Variants in CLSTN2 observed in about 807,000 individuals in gnomAD.
CLSTN2 encodes the protein calsyntenin 2.
A neutral mutation model predicts 101.2 loss-of-function variants in CLSTN2; 48 were observed. The ratio of observed to expected loss-of-function variants is 0.47; its 90% CI spans 0.38 to 0.60. CLSTN2 has a LOEUF of 0.60. Among genes scored for constraint, CLSTN2 ranks in the 20% least tolerant of loss-of-function variants. The pLI is 0.00. For synonymous variants in CLSTN2, 481 were observed against 463.6 expected (o/e 1.04, Z -0.48); for missense variants, 1,160 against 1,238.2 (o/e 0.94, Z 0.95).
chr3:139,961,587 G>A (rs1402670207), intron 1 of CLSTN2, among the ~76,000 whole-genome samples: 1 of 152,206 alleles, frequency 6.6e-6, no homozygotes, highest in African/African-American at 2.4e-5. Flanking sequence ...TCACATTATA[G>A]GGTGGCACTT....
intron 1 of CLSTN2, among the ~76,000 whole-genome samples, chr3:140,117,659 C>A (rs1216383868): frequency 1.3e-5 from 2 of 152,140 alleles, no homozygotes; most frequent in African/African-American, 4.8e-5. Context: ...ATTGCAATAA[C>A]CACATAAGTC....
At chr3:140,071,286 G>A (rs1358489638) in intron 1 of CLSTN2, among the ~76,000 whole-genome samples, 2 of 152,002 alleles carry the variant, frequency 1.3e-5, no homozygotes, top group Non-Finnish European at 1.5e-5. Flanking sequence ...TTCTAGATGG[G>A]TACAATAGTC....
chr3:139,982,085 T>C (rs566294027), intron 1 of CLSTN2, among the ~76,000 whole-genome samples: 14 of 152,324 alleles, frequency 9.2e-5, no homozygotes. Flanking sequence ...ATTTATTTGC[T>C]ACTCAGGAGA....
At chr3:140,225,968 G>C (rs572370984) in intron 2 of CLSTN2, among the ~76,000 whole-genome samples, 36 of 152,112 alleles carry the variant, frequency 2.4e-4, no homozygotes, top group African/African-American at 7.2e-4. Context: ...ATATTGCTGG[G>C]GATTTTATTG....
chr3:139,997,732 T>C (rs1006937655), intron 1 of CLSTN2, among the ~76,000 whole-genome samples: 3 of 152,220 alleles, frequency 2.0e-5, no homozygotes, highest in African/African-American at 7.2e-5. Context: ...CATTTTCAAA[T>C]ATACATTTCA....
At chr3:140,518,281 T>A (rs747325206) in intron 8 of CLSTN2, among the ~76,000 whole-genome samples, 12 of 152,216 alleles carry the variant, frequency 7.9e-5, no homozygotes, top group Non-Finnish European at 1.6e-4. Context: ...CTGTAGCAAC[T>A]TCTGTGGTGT....
chr3:140,489,042 G>T (rs1314670603), intron 8 of CLSTN2, among the ~76,000 whole-genome samples: 1 of 152,166 alleles, frequency 6.6e-6, no homozygotes, highest in East Asian at 1.9e-4. Flanking sequence ...ACATAAATTA[G>T]TTTTTTCATG....
intron 4 of CLSTN2, among the ~76,000 whole-genome samples, chr3:140,420,030 G>C (rs71619380): frequency 0.58 from 85,663 of 147,848 alleles, 27,231 homozygotes; most frequent in African/African-American, 0.86. Context: ...GTAGCCGGGA[G>C]TACAGATGTG....
intron 1 of CLSTN2, among the ~76,000 whole-genome samples, chr3:140,043,299 T>C (rs2007798987): frequency 6.6e-6 from 1 of 152,244 alleles, no homozygotes; most frequent in African/African-American, 2.4e-5. Context: ...TTTTCATGTG[T>C]CTGTTGGCTG....
intron 2 of CLSTN2, among the ~76,000 whole-genome samples, chr3:140,312,068 T>C (rs988291569): frequency 6.6e-6 from 1 of 152,240 alleles, no homozygotes; most frequent in African/African-American, 2.4e-5. Context: ...CTTTCTCCCA[T>C]GCAGTATAGG....
intron 2 of CLSTN2, among the ~76,000 whole-genome samples, chr3:140,181,171 A>G (rs1467475213): frequency 1.3e-5 from 2 of 152,204 alleles, no homozygotes; most frequent in Non-Finnish European, 2.9e-5. Context: ...ACTCTGAGGG[A>G]CAGTTTCCTT....
At chr3:140,147,437 T>C (rs1163252383) in intron 1 of CLSTN2, among the ~76,000 whole-genome samples, 1 of 152,210 alleles carries the variant, frequency 6.6e-6, no homozygotes, top group Non-Finnish European at 1.5e-5. Flanking sequence ...CTGGCATCTG[T>C]CCCCTATGAT....
intron 2 of CLSTN2, among the ~76,000 whole-genome samples, chr3:140,259,255 C>T (rs1429772459): frequency 1.3e-5 from 2 of 151,494 alleles, no homozygotes; most frequent in Non-Finnish European, 2.9e-5. Flanking sequence ...GGGTGGATCA[C>T]CTGAGATCAG....
chr3:140,112,444 A>G (rs2009171788), intron 1 of CLSTN2, among the ~76,000 whole-genome samples: 1 of 152,196 alleles, frequency 6.6e-6, no homozygotes, highest in Admixed American at 6.5e-5. Flanking sequence ...AAAGCCCATA[A>G]TAATAAGGCA....
chr3:140,188,083 G>C (rs1342072601), intron 2 of CLSTN2, among the ~76,000 whole-genome samples: 3 of 152,164 alleles, frequency 2.0e-5, no homozygotes, highest in Admixed American at 1.3e-4. Context: ...CTTCTCACTA[G>C]TCTTAAGGCA....
At chr3:140,488,634 C>T (rs917459601) in intron 8 of CLSTN2, among the ~76,000 whole-genome samples, 6 of 127,152 alleles carry the variant, frequency 4.7e-5, no homozygotes, top group Middle Eastern at 4.2e-3. Context: ...GCATTTAATA[C>T]GTGCTTTTTT....
At chr3:140,165,440 G>A (rs1010999173) in intron 1 of CLSTN2, among the ~76,000 whole-genome samples, 2 of 152,280 alleles carry the variant, frequency 1.3e-5, no homozygotes, top group East Asian at 3.9e-4. Flanking sequence ...CCCGGTCAAG[G>A]GGCCTCAGGG....
intron 8 of CLSTN2, among the ~76,000 whole-genome samples, chr3:140,512,319 A>G (rs916740690): frequency 5.3e-5 from 8 of 150,204 alleles, no homozygotes; most frequent in Non-Finnish European, 1.2e-4. Context: ...TTTTGCATCT[A>G]TAGTTTTCTG....
chr3:140,504,585 T>C (rs1353071311), intron 8 of CLSTN2, among the ~76,000 whole-genome samples: 5 of 152,156 alleles, frequency 3.3e-5, no homozygotes, highest in African/African-American at 4.8e-5. Context: ...ACAGTGCAGG[T>C]TGGATGGAAG....
Sources: gnomAD v4.1 joint callset for allele counts (sites outside exome capture counted in the v4.1 genomes callset) on GRCh38, gnomAD v4.1.1 for gene constraint, MANE v1.5 for transcripts, NCBI Gene and HGNC (gene_info 2026-07-23, HGNC 2026-07-21) for gene names.